ITSN1: variants seen among roughly 807,000 people sequenced by gnomAD.
The protein encoded by ITSN1 is intersectin 1, also known as intersectin-1.
Under a neutral mutation model 239.8 loss-of-function variants are expected in ITSN1, and 58 were observed. The observed-to-expected ratio is 0.24, with a 90% CI of 0.20 to 0.30. ITSN1 has a LOEUF of 0.30. Among genes scored for constraint, ITSN1 ranks in the 10% least tolerant of loss-of-function variants. The probability of loss-of-function intolerance (pLI) is 1.00; values close to 1 mark genes in which losing one functional copy is unlikely to be tolerated. For missense variants in ITSN1, 1,558 were observed against 2,103.3 expected (o/e 0.74, Z 5.07); for synonymous variants, 780 against 770.8 (o/e 1.01, Z -0.20).
chr21:33,728,865 T>G (rs1464313614), intron 4 of ITSN1, among the ~76,000 whole-genome samples: 2 of 152,110 alleles, frequency 1.3e-5, no homozygotes, highest in East Asian at 3.9e-4. Flanking sequence ...AATTTCCAGA[T>G]AGATGCCCAG....
chr21:33,786,567 G>A (rs771229624), intron 16 of ITSN1, among the ~76,000 whole-genome samples: 20 of 152,212 alleles, frequency 1.3e-4, no homozygotes, highest in Non-Finnish European at 2.5e-4. Flanking sequence ...AGTAGTTACT[G>A]TAGCAGTTTT....
intron 14 of ITSN1, among the ~76,000 whole-genome samples, chr21:33,775,322 T>G (rs1361121691): frequency 6.6e-6 from 1 of 152,176 alleles, no homozygotes. Flanking sequence ...TCGGGCCAGG[T>G]GCTTTTGCAG....
intron 17 of ITSN1, among the ~76,000 whole-genome samples, chr21:33,796,581 A>G (rs2071578494): frequency 6.6e-6 from 1 of 152,188 alleles, no homozygotes; most frequent in South Asian, 2.1e-4. Context: ...CTCTGGGACC[A>G]GGCTGCCTGG....
At chr21:33,787,984 G>A (rs949788113) in intron 16 of ITSN1, among the ~76,000 whole-genome samples, 2 of 152,050 alleles carry the variant, frequency 1.3e-5, no homozygotes, top group Non-Finnish European at 2.9e-5. Context: ...TTTAGTTACA[G>A]CATGGGTTTT....
rs767115453 is a variant in ITSN1 at position 33,797,544 on chromosome 21, T to A, written c.2118T>A (p.Gly706=). 1.2e-6 allele frequency: 2 copies of A among 1,613,912 alleles called. No individual in the cohort carries two copies. The highest frequency in any genetic ancestry group is 1.3e-5 in the African/African-American group (1 of 74,890). Residue 706 remains glycine, a synonymous_variant, in exon 18 of 40, where the codon GGT becomes GGA. Coordinates refer to ENST00000381318, the MANE Select transcript of ITSN1 (RefSeq NM_003024.3). The surrounding 1 kb of genome is among the most constrained non-coding windows in gnomAD (Gnocchi z 4.9). ...KGKQEAQDKL[G]RLFHQHQEPA... The stretch of plus-strand genomic sequence containing the variant: ...AACAGGAAGCACAAGACAAGCTGGG[T>A]CGGCTTTTCCATCAACACCAAGAAC...
chr21:33,726,850 A>T (rs749507765), intron 4 of ITSN1, among the ~76,000 whole-genome samples: 3 of 152,216 alleles, frequency 2.0e-5, no homozygotes, highest in Non-Finnish European at 4.4e-5. Context: ...TAAGAATTGG[A>T]AACTGTGTCT....
chr21:33,763,147 T>G (rs895164480), intron 9 of ITSN1, among the ~76,000 whole-genome samples: 8 of 151,512 alleles, frequency 5.3e-5, no homozygotes, highest in Non-Finnish European at 8.8e-5. Flanking sequence ...GTTTTCCATC[T>G]TTTATGTCTC....
intron 1 of ITSN1, among the ~76,000 whole-genome samples, chr21:33,707,705 G>C (rs375964048): frequency 6.6e-6 from 1 of 152,096 alleles, no homozygotes; most frequent in Admixed American, 6.6e-5. Flanking sequence ...TGAGATTCAC[G>C]CATGTTGTTG....
At chr21:33,699,347 T>A (rs1345103412) in intron 1 of ITSN1, among the ~76,000 whole-genome samples, 1 of 152,204 alleles carries the variant, frequency 6.6e-6, no homozygotes, top group Non-Finnish European at 1.5e-5. Context: ...ACTTATTACC[T>A]TAGTACCATA....
chr21:33,781,666 C>T (rs991572299), intron 15 of ITSN1, 118 bp downstream of exon 15: 6 of 615,944 alleles, frequency 9.7e-6, no homozygotes, highest in South Asian at 6.8e-5. Context: ...CTGTAACCTC[C>T]GCCTCCCGGG....
intron 20 of ITSN1, among the ~76,000 whole-genome samples, chr21:33,802,863 A>T (rs1380026798): frequency 2.0e-5 from 3 of 152,242 alleles, no homozygotes; most frequent in Non-Finnish European, 4.4e-5. Flanking sequence ...TTAAGAGGCA[A>T]AAATGGACAG....
chr21:33,833,323 G>A (rs2834272), intron 27 of ITSN1, among the ~76,000 whole-genome samples: 5,383 of 152,170 alleles, frequency 0.035, 219 homozygotes, highest in African/African-American at 0.1. Context: ...TCATCACATG[G>A]GCCTACGGGT....
intron 1 of ITSN1, among the ~76,000 whole-genome samples, chr21:33,700,195 C>T (rs1445871340): frequency 6.6e-6 from 1 of 152,124 alleles, no homozygotes; most frequent in Non-Finnish European, 1.5e-5. Flanking sequence ...AGCAATTCTC[C>T]TGCCTCAGCC....
chr21:33,802,313 T>C (rs2072061448), intron 19 of ITSN1, 117 bp from the exon 20 acceptor site: 2 of 953,770 alleles, frequency 2.1e-6, no homozygotes, highest in Non-Finnish European at 3.3e-6. Flanking sequence ...TTCCTCGAAT[T>C]GGCTAGTTAA....
chr21:33,885,163 A>G lies in ITSN1; in HGVS notation c.4759+40A>G, dbSNP rs1602721602. The G allele has an allele frequency of 8.5e-6, 13 of 1,533,392 alleles. No homozygotes were observed. The East Asian group carries it at 2.9e-4, about 34-fold the overall frequency. 95.0% of individuals were successfully genotyped at this position (1,533,392 alleles called of 1,614,324 possible). A position where few individuals can be genotyped will look rare whatever the true frequency, so the allele number is the denominator to read the frequency against. ...CGCGGGGTGTCCTGCACAGCTGGGC[A>G]GGAGGGAGGGCCATTTGGCTGGGCT... On this transcript the variant is annotated intron_variant, in intron 37 of 39. Transcript: ENST00000381318.
At chr21:33,713,561 A>G (rs2092478153) in intron 1 of ITSN1, among the ~76,000 whole-genome samples, 1 of 151,980 alleles carries the variant, frequency 6.6e-6, no homozygotes, top group Non-Finnish European at 1.5e-5. Flanking sequence ...AGCCTTTTAC[A>G]AATTACTATA....
chr21:33,717,907 G>A (rs1481623763), intron 1 of ITSN1, among the ~76,000 whole-genome samples: 3 of 152,160 alleles, frequency 2.0e-5, no homozygotes, highest in Non-Finnish European at 2.9e-5. Flanking sequence ...AAGAGGACTG[G>A]CTTTTTTTCA....
Position 33,865,159 on chromosome 21 carries a change from G to C in ITSN1, c.3899G>C (p.Arg1300Thr). The part of the protein sequence containing the change: ...MCNIKLLKAL[R>T]VRKKMSGEKM... ...CCCGTGTTTCCGTGCAGAGCGCTGA[G>C]AGTCCGCAAGAAGATGTCCGGGGAG... Residue 1300 changes from arginine (R) to threonine (T), a missense_variant, in exon 32 of 40, where the codon AGA becomes ACA. Coordinates refer to ENST00000381318, the MANE Select transcript of ITSN1 (RefSeq NM_003024.3). This position sits in a 1 kb window ranked among gnomAD's most constrained non-coding sequence, Gnocchi z 4.4. 6.2e-7 allele frequency: 1 copy of C among 1,613,564 alleles called. No homozygotes were observed. The highest frequency in any genetic ancestry group is 2.2e-5 in the East Asian group (1 of 44,870).
At chr21:33,711,075 G>A (rs1285505164) in intron 1 of ITSN1, among the ~76,000 whole-genome samples, 4 of 152,038 alleles carry the variant, frequency 2.6e-5, no homozygotes, top group Admixed American at 6.6e-5. Flanking sequence ...GCGCCTGGCC[G>A]GGGAAGGTTT....
Sources: gnomAD v4.1 joint callset for allele counts (sites outside exome capture counted in the v4.1 genomes callset) on GRCh38, gnomAD v4.1.1 for gene constraint, Gnocchi (gnomAD v3.1) non-coding constraint, MANE v1.5 for transcripts, NCBI Gene and HGNC (gene_info 2026-07-23, HGNC 2026-07-21) for gene names.